Variants in CPAMD8 observed in about 807,000 individuals in gnomAD.
The protein encoded by CPAMD8 is C3 and PZP-like alpha-2-macroglobulin domain-containing protein 8.
CPAMD8 carries 146 observed loss-of-function variants against 224.7 expected under a neutral mutation model. The observed-to-expected ratio is 0.65, with a 90% CI of 0.57 to 0.75. The LOEUF is 0.75. Ranked by LOEUF, CPAMD8 falls within the 30% of genes least tolerant of loss-of-function variation. The pLI is 0.00. For missense variants in CPAMD8, 2,301 were observed against 2,537.5 expected (o/e 0.91, Z 2.00); for synonymous variants, 966 against 1,044.6 (o/e 0.92, Z 1.45).
At chr19:16,962,158 C>A (rs771365581) in intron 18 of CPAMD8, among the ~76,000 whole-genome samples, 1 of 152,156 alleles carries the variant, frequency 6.6e-6, no homozygotes, top group Non-Finnish European at 1.5e-5. Flanking sequence ...AGCTCCTTGC[C>A]AGCAATGGAA....
chr19:17,016,461 C>T (rs2056814316), intron 3 of CPAMD8, among the ~76,000 whole-genome samples: 1 of 152,138 alleles, frequency 6.6e-6, no homozygotes, highest in Non-Finnish European at 1.5e-5. Context: ...CTTCCTGACT[C>T]ATAAGAAAGC....
intron 21 of CPAMD8, among the ~76,000 whole-genome samples, chr19:16,946,752 G>T (rs1488336545): frequency 7.0e-6 from 1 of 142,306 alleles, no homozygotes; most frequent in Non-Finnish European, 1.5e-5. Context: ...TGTGTGTGTG[G>T]ATTTGTGTGT....
At chr19:16,960,776 C>T (rs903573297) in intron 18 of CPAMD8, among the ~76,000 whole-genome samples, 4 of 151,688 alleles carry the variant, frequency 2.6e-5, no homozygotes, top group Non-Finnish European at 5.9e-5. Flanking sequence ...GTGGTGCAGG[C>T]CTGTAATCCC....
chr19:16,948,331 C>T (rs1284048018), intron 20 of CPAMD8, among the ~76,000 whole-genome samples: 2 of 152,150 alleles, frequency 1.3e-5, no homozygotes, highest in Non-Finnish European at 2.9e-5. Flanking sequence ...TGTGAAGTGG[C>T]ATACATGATA....
chr19:17,019,269 T>A (rs970915147), intron 3 of CPAMD8, among the ~76,000 whole-genome samples: 1 of 151,956 alleles, frequency 6.6e-6, no homozygotes, highest in African/African-American at 2.4e-5. Flanking sequence ...ATTACAGGTG[T>A]GCGCCACCAT....
chr19:17,008,552 C>T lies in CPAMD8; in HGVS notation c.512G>A (p.Arg171Gln), dbSNP rs749769314. 8 of 1,613,912 alleles carry T rather than the reference C, an allele frequency of 5.0e-6. No individual in the cohort carries two copies. The East Asian group carries it at 6.7e-5, about 13-fold the overall frequency. Residue 171 changes from arginine to glutamine, a missense_variant, in exon 7 of 42, where the codon CGA becomes CAA. Coordinates refer to ENST00000443236, the MANE Select transcript of CPAMD8 (RefSeq NM_015692.5). The stretch of plus-strand genomic sequence containing the variant: ...TCTCCACTCTATCATCCGAGAGCCT[C>T]GGGGGTCCTGTTGGTGGTGGAGGGG... ...EKLEAYILDP[R>Q]GSRMIEWRHL...
chr19:16,999,737 C>T (rs1025262855), intron 10 of CPAMD8, among the ~76,000 whole-genome samples: 6 of 152,136 alleles, frequency 3.9e-5, no homozygotes, highest in African/African-American at 1.4e-4. Context: ...TGGCCTTGAA[C>T]TCCTGAGCTC....
At chr19:16,980,837 T>C in intron 13 of CPAMD8, 151 bp from the exon 14 acceptor site, 1 of 511,210 alleles carries the variant, frequency 2.0e-6, no homozygotes, top group South Asian at 4.3e-5. Flanking sequence ...CTTTTTTGTT[T>C]TTTGTTTTCT....
intron 1 of CPAMD8, among the ~76,000 whole-genome samples, chr19:17,022,680 G>T (rs746629421): frequency 2.0e-5 from 3 of 151,990 alleles, no homozygotes; most frequent in Non-Finnish European, 2.9e-5. Flanking sequence ...TGTCTTTTTA[G>T]TAGAGGCAGG....
chr19:16,899,898 ATTT>A lies in CPAMD8; in HGVS notation c.4774-352_4774-350del. Among the ~76,000 whole-genome samples, 1 of 140,190 alleles carries A rather than the reference ATTT, an allele frequency of 7.1e-6. No individual in the cohort carries two copies. Among genetic ancestry groups the A allele is most frequent in the East Asian group, 2.1e-4 (1 of 4,696 alleles). 92.0% of individuals were successfully genotyped at this position (140,190 alleles called of 152,430 possible). ...GTTCAAGTTCCCCTCCCAGCCTGGG[ATTT>A]TTTTTTTTTTTTCAGTTTTTGATTT... On this transcript the variant is annotated intron_variant, in intron 36 of 41. Transcript: ENST00000443236. This position sits in a 1 kb window ranked among gnomAD's most constrained non-coding sequence, Gnocchi z 5.4.
chr19:16,967,731 A>C (rs8112476), intron 18 of CPAMD8, among the ~76,000 whole-genome samples: 27,854 of 150,584 alleles, frequency 0.18, 2,860 homozygotes, highest in Admixed American at 0.25. Context: ...ATGGCATGAA[A>C]CCGGTAGGCA....
chr19:16,916,178 G>A (rs372530681), intron 27 of CPAMD8, among the ~76,000 whole-genome samples: 7 of 151,912 alleles, frequency 4.6e-5, no homozygotes, highest in Non-Finnish European at 7.4e-5. Context: ...GACATCCAGC[G>A]AATTTTTAAA....
Position 16,904,461 on chromosome 19 carries a change from A to G in CPAMD8, c.4114+5T>C. On this transcript the variant is annotated splice_donor_5th_base_variant and intron_variant, in intron 31 of 41. Coordinates refer to ENST00000443236, the MANE Select transcript of CPAMD8 (RefSeq NM_015692.5). ...CAGGCACCCGGGAGCTGGGGTGGCC[A>G]GTACCTGACTGAGAGACCCTGTCAC... The G allele has an allele frequency of 6.2e-7, 1 of 1,613,908 alleles. No homozygotes were observed. The highest frequency in any genetic ancestry group is 8.5e-7 in the Non-Finnish European group (1 of 1,179,766).
rs1031090651 is a variant in CPAMD8 at position 16,896,662 on chromosome 19, C to T, written c.5069G>A (p.Trp1690Ter). 3 of 1,458,530 alleles carry T rather than the reference C, an allele frequency of 2.1e-6. No individual in the cohort carries two copies. In the South Asian group the frequency reaches 4.0e-5, roughly 20 times the overall value. 90.3% of individuals were successfully genotyped at this position (1,458,530 alleles called of 1,614,324 possible). The change falls in exon 40 of 42, where the codon TGG becomes TAG. Residue 1690 changes from tryptophan to a stop codon, truncating the protein, a stop_gained. Coordinates refer to ENST00000443236, the MANE Select transcript of CPAMD8 (RefSeq NM_015692.5). LOFTEE classifies it high-confidence loss of function. ...VERAPARGPGWFPGESGPAVA... is the reference protein window; with the variant it reads ...VERAPARGPG ...GGCAGGGCCCGACTCGCCGGGGAAC[C>T]AGCCTGGGGGACGAGGCAGGCTCGA... is the stretch of plus-strand genomic sequence containing the variant.
In CPAMD8 at chr19:16,949,726, T is replaced by C. The variant is rs114495196; in HGVS notation, c.2508+2243A>G. 6.7e-3 allele frequency among the ~76,000 whole-genome samples: 1,025 copies of C among 152,304 alleles called. 15 individuals are homozygous for C. Among genetic ancestry groups the C allele is most frequent in the African/African-American group, 0.023 (947 of 41,570 alleles). The stretch of plus-strand genomic sequence containing the variant: ...AGGCAGGACCCAGGAAAGGTCAAGC[T>C]GCCTCCTGCTTCTGTTGCTTGTACA... On this transcript the variant is annotated intron_variant, in intron 20 of 41. Coordinates refer to ENST00000443236, the MANE Select transcript of CPAMD8 (RefSeq NM_015692.5).
chr19:17,012,312 C>T (rs1599912029), intron 3 of CPAMD8, among the ~76,000 whole-genome samples: 1 of 151,696 alleles, frequency 6.6e-6, no homozygotes, highest in East Asian at 1.9e-4. Flanking sequence ...AGCCATTGCA[C>T]CCGGCCATAT....
At chr19:16,971,114 C>G (rs2055049348) in intron 17 of CPAMD8, 81 bp from the exon 18 acceptor site, 3 of 1,256,196 alleles carry the variant, frequency 2.4e-6, no homozygotes, top group African/African-American at 3.0e-5. Flanking sequence ...ATGAATCACC[C>G]TGTGGCCACT....
intron 17 of CPAMD8, among the ~76,000 whole-genome samples, chr19:16,973,677 GGCACC>G (rs2055145080): frequency 6.6e-6 from 1 of 151,780 alleles, no homozygotes; most frequent in Non-Finnish European, 1.5e-5. Flanking sequence ...TGAAATGAAA[GGCACC>G]CTCCAATGGG....
intron 19 of CPAMD8, 125 bp downstream of exon 19, chr19:16,957,728 G>T: frequency 1.2e-6 from 1 of 845,050 alleles, no homozygotes; most frequent in East Asian, 2.5e-5. Context: ...GTTAGAAAAA[G>T]ATGCACAGTG....
Sources: allele counts gnomAD v4.1 joint callset (sites outside exome capture counted in the v4.1 genomes callset), GRCh38; gene constraint gnomAD v4.1.1; non-coding constraint Gnocchi (gnomAD v3.1); transcripts MANE v1.5; gene names NCBI Gene and HGNC (gene_info 2026-07-23, HGNC 2026-07-21).